The following PLXDC2 variants were observed in gnomAD, a reference collection of about 807,000 sequenced individuals.
The protein encoded by PLXDC2 is plexin domain-containing protein 2.
In PLXDC2, 40 loss-of-function variants were observed where a neutral mutation model predicts 68.9. The observed-to-expected ratio is 0.58, with a 90% CI of 0.45 to 0.76. PLXDC2 has a LOEUF of 0.76. PLXDC2 is among the 30% of genes least tolerant of loss of function. The probability of loss-of-function intolerance (pLI) is 0.00; values close to 1 mark genes in which losing one functional copy is unlikely to be tolerated. For synonymous variants in PLXDC2, 243 were observed against 234.2 expected, an observed-to-expected ratio of 1.04 and a Z score of -0.34; for missense variants, 644 against 661.9, an observed-to-expected ratio of 0.97 and a Z score of 0.30.
chr10:20,099,770 C>T (rs1173415707), intron 4 of PLXDC2, among the ~76,000 whole-genome samples: 1 of 152,004 alleles, frequency 6.6e-6, no homozygotes, highest in East Asian at 1.9e-4. Context: ...GATTATGTTG[C>T]TAGGGAGATT....
At chr10:19,970,745 A>G (rs1471166768) in intron 1 of PLXDC2, among the ~76,000 whole-genome samples, 1 of 152,208 alleles carries the variant, frequency 6.6e-6, no homozygotes, top group Non-Finnish European at 1.5e-5. Context: ...GCCATGGTTC[A>G]GGAAGGAATT....
chr10:20,113,271 T>C (rs1425798750), intron 4 of PLXDC2, among the ~76,000 whole-genome samples: 1 of 152,232 alleles, frequency 6.6e-6, no homozygotes, highest in Admixed American at 6.5e-5. Flanking sequence ...TTAGCTTTCT[T>C]AGCTTGCTAG....
intron 1 of PLXDC2, among the ~76,000 whole-genome samples, chr10:19,966,456 T>TGC (rs1554849300): frequency 3.7e-4 from 2 of 5,400 alleles, no homozygotes; most frequent in African/African-American, 1.3e-3. Flanking sequence ...AACATGTGTG[T>TGC]ATATGTACAC....
intron 9 of PLXDC2, among the ~76,000 whole-genome samples, chr10:20,198,423 T>A (rs980713166): frequency 2.0e-5 from 3 of 152,180 alleles, no homozygotes; most frequent in Non-Finnish European, 2.9e-5. Context: ...ATTTTGTATA[T>A]ACTAATCCCA....
At chr10:19,938,534 C>G (rs889450150) in intron 1 of PLXDC2, among the ~76,000 whole-genome samples, 1 of 152,040 alleles carries the variant, frequency 6.6e-6, no homozygotes, top group Non-Finnish European at 1.5e-5. Flanking sequence ...ACAATTTGAA[C>G]AGCCAGATCT....
intron 2 of PLXDC2, among the ~76,000 whole-genome samples, chr10:20,014,090 A>T (rs768771071): frequency 6.6e-6 from 1 of 152,248 alleles, no homozygotes; most frequent in East Asian, 1.9e-4. Flanking sequence ...TACATTCACT[A>T]TTCCTCAAAA....
chr10:19,950,918 T>C (rs1833981279), intron 1 of PLXDC2, among the ~76,000 whole-genome samples: 2 of 152,172 alleles, frequency 1.3e-5, no homozygotes. Context: ...GTTCAATAAA[T>C]GGTACTGGGA....
intron 6 of PLXDC2, 46 bp downstream of exon 6, chr10:20,147,948 C>A (rs766651868): frequency 8.5e-6 from 11 of 1,301,464 alleles, no homozygotes; most frequent in Non-Finnish European, 1.1e-5. Flanking sequence ...TTGTTCTTGA[C>A]TGCTGCCTTT....
chr10:20,150,415 G>T (rs1051987288), intron 6 of PLXDC2, among the ~76,000 whole-genome samples: 6 of 152,152 alleles, frequency 3.9e-5, no homozygotes, highest in African/African-American at 9.7e-5. Context: ...GTGTAAATTA[G>T]TTCAGCTACT....
chr10:20,153,765 G>A (rs1370696047), intron 6 of PLXDC2, among the ~76,000 whole-genome samples: 1 of 152,124 alleles, frequency 6.6e-6, no homozygotes, highest in African/African-American at 2.4e-5. Flanking sequence ...CTTTTCCAAA[G>A]ATATGGAACA....
chr10:20,151,880 T>C (rs1021195757), intron 6 of PLXDC2, among the ~76,000 whole-genome samples: 4 of 152,124 alleles, frequency 2.6e-5, no homozygotes, highest in African/African-American at 7.2e-5. Context: ...AGCTTTGTTT[T>C]GTTTCATTAT....
chr10:19,844,852 C>T (rs992150579), intron 1 of PLXDC2, among the ~76,000 whole-genome samples: 42 of 152,048 alleles, frequency 2.8e-4, no homozygotes, highest in African/African-American at 9.9e-4. Context: ...CCTTGGCCTC[C>T]CAAAGTGCTG....
chr10:20,185,160 G>GAA (rs11307851), intron 9 of PLXDC2, among the ~76,000 whole-genome samples: 4,630 of 56,044 alleles, frequency 0.083, 472 homozygotes, highest in Non-Finnish European at 0.11. Flanking sequence ...GAACTGAAAG[G>GAA]AAAAAAAAAA....
intron 6 of PLXDC2, among the ~76,000 whole-genome samples, chr10:20,157,924 G>A (rs1834237813): frequency 6.6e-6 from 1 of 152,078 alleles, no homozygotes; most frequent in Admixed American, 6.5e-5. Context: ...TCTATCCTGT[G>A]GAGAGAATGT....
chr10:19,842,281 G>A (rs1437573779), intron 1 of PLXDC2, among the ~76,000 whole-genome samples: 3 of 152,094 alleles, frequency 2.0e-5, no homozygotes, highest in Non-Finnish European at 4.4e-5. Context: ...GAGTCATTTT[G>A]ATAACCTGGT....
At chr10:20,052,195 T>C (rs558973431) in intron 3 of PLXDC2, among the ~76,000 whole-genome samples, 4 of 152,224 alleles carry the variant, frequency 2.6e-5, no homozygotes, top group East Asian at 1.9e-4. Flanking sequence ...TATAAATTTA[T>C]TTGCTAGAAT....
intron 1 of PLXDC2, among the ~76,000 whole-genome samples, chr10:19,823,686 C>A (rs1239359660): frequency 2.0e-5 from 3 of 151,482 alleles, no homozygotes; most frequent in Admixed American, 1.3e-4. Context: ...AAAAAAAATT[C>A]TCATAAAACT....
chr10:20,056,428 G>A (rs1278227949), intron 3 of PLXDC2, among the ~76,000 whole-genome samples: 2 of 152,148 alleles, frequency 1.3e-5, no homozygotes, highest in African/African-American at 2.4e-5. Flanking sequence ...TCCTGCCGAT[G>A]GCACTCACAA....
chr10:20,089,149 TA>T (rs112399670), intron 4 of PLXDC2, among the ~76,000 whole-genome samples: 8,420 of 149,036 alleles, frequency 0.056, 353 homozygotes, highest in African/African-American at 0.11. Context: ...GCTGTTAAAT[TA>T]AAAAAAAACC....
Sources: gnomAD v4.1 joint callset for allele counts (sites outside exome capture counted in the v4.1 genomes callset) on GRCh38, gnomAD v4.1.1 for gene constraint, MANE v1.5 for transcripts, NCBI Gene and HGNC (gene_info 2026-07-23, HGNC 2026-07-21) for gene names.